Variants in DLC1 observed in about 807,000 individuals in gnomAD.
The protein encoded by DLC1 is rho GTPase-activating protein 7.
A neutral mutation model predicts 140.3 loss-of-function variants in DLC1; 54 were observed. The observed-to-expected ratio is 0.38, with a 90% CI of 0.31 to 0.48. The LOEUF (loss-of-function observed/expected upper bound fraction) is 0.48. Ranked by LOEUF, DLC1 falls within the 20% of genes least tolerant of loss-of-function variation. The probability of loss-of-function intolerance (pLI) is 0.96; values close to 1 mark genes in which losing one functional copy is unlikely to be tolerated. For missense variants in DLC1, 2,536 were observed against 1,907.0 expected (o/e 1.33, Z -6.14); for synonymous variants, 986 against 728.1 (o/e 1.35, Z -5.70).
chr8:13,106,050 T>A (rs1789355940), intron 7 of DLC1, among the ~76,000 whole-genome samples: 1 of 152,206 alleles, frequency 6.6e-6, no homozygotes. Flanking sequence ...CACAGGAATG[T>A]GTCCCTCTTA....
At chr8:13,478,278 G>A (rs960921581) in intron 2 of DLC1, among the ~76,000 whole-genome samples, 1 of 152,042 alleles carries the variant, frequency 6.6e-6, no homozygotes, top group Non-Finnish European at 1.5e-5. Flanking sequence ...AGGTGGAGGT[G>A]CCACACACTT....
intron 5 of DLC1, among the ~76,000 whole-genome samples, chr8:13,136,819 G>A (rs1822594950): frequency 6.6e-6 from 1 of 152,184 alleles, no homozygotes; most frequent in Non-Finnish European, 1.5e-5. Context: ...ACAGGTGTGA[G>A]CCACCACACC....
At chr8:13,387,167 A>G (rs757820600) in intron 4 of DLC1, among the ~76,000 whole-genome samples, 7 of 152,042 alleles carry the variant, frequency 4.6e-5, no homozygotes, top group Non-Finnish European at 7.4e-5. Context: ...AAAGCTAATA[A>G]TAACATATGT....
intron 1 of DLC1, among the ~76,000 whole-genome samples, chr8:13,547,228 CCTT>C (rs1436610284): frequency 4.6e-5 from 7 of 151,906 alleles, no homozygotes; most frequent in East Asian, 1.9e-4. Flanking sequence ...TTTTTTATGA[CCTT>C]CTGAATATTT....
intron 1 of DLC1, among the ~76,000 whole-genome samples, chr8:13,510,860 C>T (rs997195763): frequency 6.6e-6 from 1 of 152,114 alleles, no homozygotes; most frequent in Non-Finnish European, 1.5e-5. Context: ...ATGACTCTTT[C>T]CAACCTCTTA....
chr8:13,200,602 G>T (rs1182679842), intron 5 of DLC1, among the ~76,000 whole-genome samples: 2 of 151,946 alleles, frequency 1.3e-5, no homozygotes, highest in Non-Finnish European at 2.9e-5. Flanking sequence ...TTGTTGTTGT[G>T]TGTGTGTGTT....
At chr8:13,497,186 A>G (rs1403885939) in intron 2 of DLC1, among the ~76,000 whole-genome samples, 1 of 152,174 alleles carries the variant, frequency 6.6e-6, no homozygotes, top group African/African-American at 2.4e-5. Flanking sequence ...CTCTGTACAT[A>G]TCTTTCTATG....
At chr8:13,332,688 C>G (rs951320128) in intron 4 of DLC1, among the ~76,000 whole-genome samples, 1 of 152,110 alleles carries the variant, frequency 6.6e-6, no homozygotes, top group East Asian at 1.9e-4. Flanking sequence ...CCGACTTGGC[C>G]TCCCAGAGAC....
At chr8:13,562,528 C>T (rs1431652475) in intron 1 of DLC1, among the ~76,000 whole-genome samples, 1 of 152,150 alleles carries the variant, frequency 6.6e-6, no homozygotes, top group Admixed American at 6.6e-5. Context: ...GATATCATTT[C>T]TTATCCTTTA....
intron 1 of DLC1, among the ~76,000 whole-genome samples, chr8:13,597,320 G>A (rs79198902): frequency 1.2e-4 from 18 of 152,064 alleles, no homozygotes; most frequent in South Asian, 4.1e-4. Flanking sequence ...ACGTGATTAG[G>A]CCTTCCAAAG....
At chr8:13,437,647 G>A (rs1281231244) in intron 2 of DLC1, among the ~76,000 whole-genome samples, 1 of 152,142 alleles carries the variant, frequency 6.6e-6, no homozygotes, top group Admixed American at 6.5e-5. Context: ...TTGCATTTCT[G>A]TGGAAACTGG....
At chr8:13,343,393 G>A (rs1392421844) in intron 4 of DLC1, among the ~76,000 whole-genome samples, 1 of 152,162 alleles carries the variant, frequency 6.6e-6, no homozygotes, top group Non-Finnish European at 1.5e-5. Flanking sequence ...TCCTCAATCA[G>A]TTATGATAAC....
chr8:13,309,990 T>G (rs1832607507), intron 4 of DLC1, among the ~76,000 whole-genome samples: 3 of 152,194 alleles, frequency 2.0e-5, no homozygotes. Flanking sequence ...TGTGTTATTT[T>G]TATTATGCCA....
intron 5 of DLC1, among the ~76,000 whole-genome samples, chr8:13,230,447 G>A (rs1192547759): frequency 6.6e-6 from 1 of 152,150 alleles, no homozygotes; most frequent in East Asian, 1.9e-4. Context: ...AGCAAGGTTA[G>A]GTGGCATGAA....
Position 13,325,173 on chromosome 8 carries a change from A to C in DLC1, c.1315-19871T>G, listed in dbSNP as rs1162861405. Among the ~76,000 whole-genome samples, 8 of 152,322 alleles carry C rather than the reference A, an allele frequency of 5.3e-5. No individual in the cohort carries two copies. The South Asian group carries it at 1.7e-3, about 32-fold the overall frequency. ...GTAAAAACAAAAAGAGGAAAAGAGA[A>C]ATCTCAGAAGTTGGTCAGTGTAGGC... On this transcript the variant is annotated intron_variant, in intron 4 of 17. Coordinates refer to ENST00000276297, the MANE Select transcript of DLC1 (RefSeq NM_182643.3).
intron 5 of DLC1, among the ~76,000 whole-genome samples, chr8:13,177,007 C>T (rs1228985404): frequency 6.6e-6 from 1 of 152,096 alleles, no homozygotes; most frequent in African/African-American, 2.4e-5. Flanking sequence ...GGGATACAGC[C>T]CTGCTGCCAT....
At chr8:13,432,918 C>T (rs539777358) in intron 2 of DLC1, among the ~76,000 whole-genome samples, 1 of 149,992 alleles carries the variant, frequency 6.7e-6, no homozygotes, top group Non-Finnish European at 1.5e-5. Flanking sequence ...TGCTGCTGTC[C>T]TGCTGGAGGA....
intron 2 of DLC1, among the ~76,000 whole-genome samples, chr8:13,425,278 G>A (rs1245638012): frequency 1.3e-5 from 2 of 152,156 alleles, no homozygotes; most frequent in African/African-American, 4.8e-5. Flanking sequence ...GTGTTGAAAC[G>A]TTGCCAGGAA....
At chr8:13,383,322 A>C (rs1428658788) in intron 4 of DLC1, among the ~76,000 whole-genome samples, 1 of 152,104 alleles carries the variant, frequency 6.6e-6, no homozygotes, top group East Asian at 1.9e-4. Context: ...TACGGTTGTT[A>C]TTCCATATCT....
Sources: gnomAD v4.1 joint callset for allele counts (sites outside exome capture counted in the v4.1 genomes callset) on GRCh38, gnomAD v4.1.1 for gene constraint, MANE v1.5 for transcripts, NCBI Gene and HGNC (gene_info 2026-07-23, HGNC 2026-07-21) for gene names.